Variants in EFNA4 observed in about 807,000 individuals in gnomAD.
EFNA4 encodes the protein ephrin-A4.
Under a neutral mutation model 23.7 loss-of-function variants are expected in EFNA4, and 22 were observed. The ratio of observed to expected loss-of-function variants is 0.93; its 90% CI spans 0.66 to 1.32. EFNA4 has a LOEUF of 1.32. Ranked by LOEUF, EFNA4 falls within the 40% of genes most tolerant of loss-of-function variation. The pLI, the probability that EFNA4 is intolerant of heterozygous loss-of-function variation, is 0.00. For synonymous variants in EFNA4, 113 were observed against 108.3 expected, an observed-to-expected ratio of 1.04 and a Z score of -0.27; for missense variants, 252 against 252.3, an observed-to-expected ratio of 1.00 and a Z score of 0.01.
At chr1:155,064,378 C>G (rs2102439214) in intron 1 of EFNA4, among the ~76,000 whole-genome samples, 1 of 152,348 alleles carries the variant, frequency 6.6e-6, no homozygotes. Context: ...CACTCTGTCT[C>G]CTGATCTCAT....
chr1:155,065,192 G>C (rs1167243267), intron 1 of EFNA4, among the ~76,000 whole-genome samples: 1 of 152,208 alleles, frequency 6.6e-6, no homozygotes, highest in East Asian at 1.9e-4. Context: ...TGCTCAGCTT[G>C]CGTTCTAGTA....
chr1:155,065,625 T>C (rs1046468621), intron 1 of EFNA4, among the ~76,000 whole-genome samples: 30 of 151,434 alleles, frequency 2.0e-4, no homozygotes, highest in African/African-American at 6.8e-4. Context: ...CTACAGGAAC[T>C]TGCGGACTCT....
At position 155,063,834 on chromosome 1, in the gene EFNA4, T is replaced by C; in HGVS notation, c.11T>C (p.Leu4Pro). The change falls in exon 1 of 4, where the codon CTG becomes CCG. Residue 4 changes from leucine (L) to proline (P), a missense_variant. By Grantham distance (98) the Leu-to-Pro change is moderately conservative. Coordinates refer to ENST00000368409, the MANE Select transcript of EFNA4 (RefSeq NM_005227.3). This position sits in a 1 kb window ranked among gnomAD's most constrained non-coding sequence, Gnocchi z 4.1. ...CGGACCTCGGGGGCGATGCGGCTGCTGCCCCTGCTGCGGACTGTCCTCTGG... is the reference window on the plus strand; with the variant it reads ...CGGACCTCGGGGGCGATGCGGCTGCCGCCCCTGCTGCGGACTGTCCTCTGG... MRL[L>P]PLLRTVLWAA... is the part of the protein sequence containing the mutation. 1 of 1,534,696 alleles carries C rather than the reference T, an allele frequency of 6.5e-7. No individual in the cohort carries two copies. The highest frequency in any genetic ancestry group is 8.8e-7 in the Non-Finnish European group (1 of 1,141,670).
rs1302974580 is a variant in EFNA4, at chr1:155,063,958, A to T, written c.113+22A>T. 2 of 1,524,532 alleles carry T rather than the reference A, an allele frequency of 1.3e-6. No homozygotes were observed. The highest frequency in any genetic ancestry group is 2.9e-5 in the African/African-American group (2 of 70,136). 94.4% of individuals were successfully genotyped at this position (1,524,532 alleles called of 1,614,324 possible). On this transcript the variant is annotated intron_variant, in intron 1 of 3. Transcript: ENST00000368409. The surrounding 1 kb of genome is among the most constrained non-coding windows in gnomAD (Gnocchi z 4.1). ...CCAGGTAGCCGGGCCGAACCGGGCGAGCGCACAGCCAAGTCTGCGCGCTCC... is the reference window on the plus strand; with the variant it reads ...CCAGGTAGCCGGGCCGAACCGGGCGTGCGCACAGCCAAGTCTGCGCGCTCC...
intron 3 of EFNA4, 22 bp downstream of exon 3, chr1:155,067,462 AC>A (rs751016433): frequency 1.9e-6 from 3 of 1,613,782 alleles, no homozygotes; most frequent in Admixed American, 3.3e-5. Context: ...GGGAGCATGG[AC>A]CCTACTGGCT....
intron 1 of EFNA4, among the ~76,000 whole-genome samples, chr1:155,065,797 A>G (rs1663023469): frequency 1.3e-5 from 2 of 151,070 alleles, no homozygotes; most frequent in Admixed American, 6.6e-5. Context: ...CAGTGGCGCA[A>G]TCTCGGCTCA....
chr1:155,066,769 C>T lies in EFNA4; in HGVS notation c.153C>T (p.Asn51=), dbSNP rs369664889. The change falls in exon 2 of 4, where the codon AAC becomes AAT. Residue 51 remains asparagine, a synonymous_variant. Coordinates refer to ENST00000368409, the MANE Select transcript of EFNA4 (RefSeq NM_005227.3). ...ACGCCGTGGTGGAGCTGGGCCTCAACGATTACCTAGACATTGTCTGCCCCC... is the reference window on the plus strand; with the variant it reads ...ACGCCGTGGTGGAGCTGGGCCTCAATGATTACCTAGACATTGTCTGCCCCC... ...RGDAVVELGL[N]DYLDIVCPHY... is the part of the protein sequence containing the mutation. 1.4e-5 allele frequency: 23 copies of T among 1,607,708 alleles called. No individual in the cohort carries two copies. The highest frequency in any genetic ancestry group is 6.6e-5 in the South Asian group (6 of 90,246).
At chr1:155,068,024 G>A (rs1571654568) in intron 3 of EFNA4, among the ~76,000 whole-genome samples, 2 of 151,884 alleles carry the variant, frequency 1.3e-5, no homozygotes, top group Non-Finnish European at 2.9e-5. Context: ...GGGTTCAAGC[G>A]ATTCTCCTGC....
In EFNA4 at chr1:155,063,871, C is replaced by T. The variant is rs1662889826; in HGVS notation, c.48C>T (p.Leu16=). The change falls in exon 1 of 4, where the codon CTC becomes CTT. Residue 16 remains leucine, a synonymous_variant. Coordinates refer to ENST00000368409, the MANE Select transcript of EFNA4 (RefSeq NM_005227.3). The surrounding 1 kb of genome is among the most constrained non-coding windows in gnomAD (Gnocchi z 4.1). Reference sequence around the variant, plus strand: ...GGACTGTCCTCTGGGCCGCGTTCCTCGGCTCCCCTCTGCGCGGGGGCTCCA... The same window carrying T: ...GGACTGTCCTCTGGGCCGCGTTCCTTGGCTCCCCTCTGCGCGGGGGCTCCA... ...LLRTVLWAAF[L]GSPLRGGSSL... The T allele has an allele frequency of 1.3e-6, 2 of 1,559,792 alleles. No individual in the cohort carries two copies. Among genetic ancestry groups the T allele is most frequent in the African/African-American group, 1.4e-5 (1 of 72,480 alleles).
chr1:155,067,077 G>C (rs1004837915), intron 2 of EFNA4, 61 bp downstream of exon 2: 1 of 1,537,616 alleles, frequency 6.5e-7, no homozygotes, highest in Admixed American at 2.0e-5. Flanking sequence ...GAGGGGGAAG[G>C]AGAGGCCTGG....
rs71077978 is a variant in EFNA4 at position 155,068,427 on chromosome 1, A to ATTTTTTTTTT, written c.470-401_470-392dup. On this transcript the variant is annotated intron_variant, in intron 3 of 3. Coordinates refer to ENST00000368409, the MANE Select transcript of EFNA4 (RefSeq NM_005227.3). ...ACTACAGGTGTGTGCCACCCAGCTG[A>ATTTTTTTTTT]TTTTTTTTTTTTTTTTTTTTTTTTT... Among the ~76,000 whole-genome samples the ATTTTTTTTTT allele has an allele frequency of 1.6e-3, 41 of 25,376 alleles. 15 individuals carry two copies. Among genetic ancestry groups the ATTTTTTTTTT allele is most frequent in the African/African-American group, 4.4e-3 (22 of 4,998 alleles). The allele number at this position is 25,376 out of a possible 152,430, so 16.6% of individuals were successfully genotyped here.
At position 155,063,742 on chromosome 1, in the gene EFNA4, C is replaced by A; in HGVS notation, c.-82C>A. The A allele has an allele frequency of 1.6e-6, 2 of 1,281,444 alleles. No homozygotes were observed. Among genetic ancestry groups the A allele is most frequent in the Non-Finnish European group, 2.1e-6 (2 of 963,410 alleles). 79.4% of individuals were successfully genotyped at this position (1,281,444 alleles called of 1,614,324 possible). The stretch of plus-strand genomic sequence containing the variant: ...CCCCACTCCCCTTTCCGCAACTTCC[C>A]TCTTCACTTTGTACCTTTCTCTCCT... On this transcript the variant is annotated 5_prime_UTR_variant, in exon 1 of 4. Coordinates refer to ENST00000368409, the MANE Select transcript of EFNA4 (RefSeq NM_005227.3). The surrounding 1 kb of genome is among the most constrained non-coding windows in gnomAD (Gnocchi z 4.1).
chr1:155,066,869 T>A lies in EFNA4; in HGVS notation c.253T>A (p.Ser85Thr). The change falls in exon 2 of 4, where the codon TCC becomes ACC. Residue 85 changes from serine to threonine, a missense_variant. By Grantham distance (58) the Ser-to-Thr change is moderately conservative. Transcript: ENST00000368409. ...CATGGTGGACTGGCCAGGCTATGAG[T>A]CCTGCCAGGCAGAGGGCCCCCGGGC... ...LYMVDWPGYE[S>T]CQAEGPRAYK... 6.2e-7 allele frequency: 1 copy of A among 1,614,026 alleles called. No homozygotes were observed.
chr1:155,063,741 C>G lies in EFNA4; in HGVS notation c.-83C>G. Reference sequence around the variant, plus strand: ...ACCCCACTCCCCTTTCCGCAACTTCCCTCTTCACTTTGTACCTTTCTCTCC... The same window carrying G: ...ACCCCACTCCCCTTTCCGCAACTTCGCTCTTCACTTTGTACCTTTCTCTCC... On this transcript the variant is annotated 5_prime_UTR_variant, in exon 1 of 4. Coordinates refer to ENST00000368409, the MANE Select transcript of EFNA4 (RefSeq NM_005227.3). The surrounding 1 kb of genome is among the most constrained non-coding windows in gnomAD (Gnocchi z 4.1). 2 of 1,270,256 alleles carry G rather than the reference C, an allele frequency of 1.6e-6. No homozygotes were observed. The highest frequency in any genetic ancestry group is 1.0e-6 in the Non-Finnish European group (1 of 953,696). 78.7% of individuals were successfully genotyped at this position (1,270,256 alleles called of 1,614,324 possible).
chr1:155,063,927 G>T lies in EFNA4; in HGVS notation c.104G>T (p.Ser35Ile). 1 of 1,560,104 alleles carries T rather than the reference G, an allele frequency of 6.4e-7. No homozygotes were observed. Among genetic ancestry groups the T allele is most frequent in the Non-Finnish European group, 8.7e-7 (1 of 1,155,004 alleles). ...CGCCACGTAGTCTACTGGAACTCCA[G>T]TAACCCCAGGTAGCCGGGCCGAACC... The part of the protein sequence containing the change: ...SLRHVVYWNS[S>I]NPRLLRGDAV... Residue 35 changes from serine (S) to isoleucine (I), a missense_variant, in exon 1 of 4, where the codon AGT (serine) becomes ATT (isoleucine). Coordinates refer to ENST00000368409, the MANE Select transcript of EFNA4 (RefSeq NM_005227.3). This position sits in a 1 kb window ranked among gnomAD's most constrained non-coding sequence, Gnocchi z 4.1.
At chr1:155,067,218 C>T (rs1663073786) in intron 2 of EFNA4, among the ~76,000 whole-genome samples, 154 bp from the exon 3 acceptor site, 1 of 152,094 alleles carries the variant, frequency 6.6e-6, no homozygotes, top group South Asian at 2.1e-4. Flanking sequence ...GATGAGAGGA[C>T]TGGATGGGGC....
chr1:155,069,203 T>TGAAGCAGAGGCAAGAC lies in EFNA4; in HGVS notation c.*215_*230dup. On this transcript the variant is annotated 3_prime_UTR_variant, in exon 4 of 4. Transcript: ENST00000368409. Reference sequence around the variant, plus strand: ...GAGCAGTAGACAGCCCTGGACACTCTGAAGCAGAGGCAAGACAAACACAGG... The same window carrying TGAAGCAGAGGCAAGAC: ...GAGCAGTAGACAGCCCTGGACACTCTGAAGCAGAGGCAAGACGAAGCAGAGGCAAGACAAACACAGG... 6.4e-7 allele frequency: 1 copy of TGAAGCAGAGGCAAGAC among 1,572,036 alleles called. No homozygotes were observed. The highest frequency in any genetic ancestry group is 1.2e-5 in the South Asian group (1 of 84,486).
At chr1:155,068,825 G>C (rs780685874) in intron 3 of EFNA4, 28 bp from the exon 4 acceptor site, 4 of 1,584,050 alleles carry the variant, frequency 2.5e-6, no homozygotes, top group Non-Finnish European at 3.4e-6. Flanking sequence ...TGGGAGGACT[G>C]ATCAGTGCTA....
chr1:155,065,665 A>G, intron 1 of EFNA4, among the ~76,000 whole-genome samples: 1 of 147,226 alleles, frequency 6.8e-6, no homozygotes, highest in Non-Finnish European at 1.5e-5. Context: ...CCTCCCAAGT[A>G]GCTGGGACTA....
Sources: gnomAD v4.1 joint callset for allele counts (sites outside exome capture counted in the v4.1 genomes callset) on GRCh38, gnomAD v4.1.1 for gene constraint, Gnocchi (gnomAD v3.1) non-coding constraint, MANE v1.5 for transcripts, NCBI Gene and HGNC (gene_info 2026-07-23, HGNC 2026-07-21) for gene names.